The following HEPH variants were observed in gnomAD, a reference collection of about 807,000 sequenced individuals.
HEPH encodes hephaestin.
HEPH carries 69 observed loss-of-function variants against 80.8 expected under a neutral mutation model. The ratio of observed to expected loss-of-function variants is 0.85; its 90% CI spans 0.70 to 1.04. The LOEUF is 1.04. HEPH is among the 50% of genes least tolerant of loss of function. The pLI, the probability that HEPH is intolerant of heterozygous loss-of-function variation, is 0.00. For synonymous variants in HEPH, 431 were observed against 322.8 expected (o/e 1.34, Z -3.60); for missense variants, 1,115 against 891.3 (o/e 1.25, Z -3.20).
At chrX:66,167,504 C>G (rs2086424230) in intron 1 of HEPH, among the ~76,000 whole-genome samples, 1 of 112,312 alleles carries the variant, frequency 8.9e-6, no homozygotes, top group Non-Finnish European at 1.9e-5. Context: ...CAAGGCACAA[C>G]TGCTTTGTTG....
chrX:66,237,563 A>C, intron 15 of HEPH, among the ~76,000 whole-genome samples: 1 of 111,356 alleles, frequency 9.0e-6, no homozygotes, highest in Non-Finnish European at 1.9e-5. Flanking sequence ...GTTGATTTTG[A>C]TGTACATGTG....
chrX:66,242,005 G>GAA (rs368018000), intron 15 of HEPH, among the ~76,000 whole-genome samples: 1 of 103,121 alleles, frequency 9.7e-6, no homozygotes, highest in Non-Finnish European at 2.0e-5. Context: ...CACAGAATTA[G>GAA]AAAAAAAACT....
At chrX:66,238,055 C>T (rs1183376965) in intron 15 of HEPH, among the ~76,000 whole-genome samples, 2 of 111,662 alleles carry the variant, frequency 1.8e-5, no homozygotes, top group Non-Finnish European at 3.8e-5. Context: ...CCAACAGGGT[C>T]TTGGTTCCTT....
At chrX:66,162,902 C>G (rs754567165), upstream of HEPH, 1 of 1,138,529 alleles carries the variant, frequency 8.8e-7, no homozygotes, top group Admixed American at 2.7e-5. Context: ...GGTGGAACCC[C>G]CATCATACCT....
intron 15 of HEPH, among the ~76,000 whole-genome samples, chrX:66,247,700 G>T (rs1004061234): frequency 9.0e-6 from 1 of 111,406 alleles, no homozygotes; most frequent in Non-Finnish European, 1.9e-5. Flanking sequence ...GGAGTTGTGG[G>T]AATGAAAATA....
At chrX:66,243,466 T>C (rs2090686383) in intron 15 of HEPH, among the ~76,000 whole-genome samples, 1 of 112,835 alleles carries the variant, frequency 8.9e-6, no homozygotes, top group South Asian at 3.7e-4. Context: ...AAGTCTGTTT[T>C]GTCTGAAATT....
chrX:66,170,142 A>T (rs1172467459), intron 1 of HEPH: 1 of 116,787 alleles, frequency 8.6e-6, no homozygotes, highest in Non-Finnish European at 1.8e-5. Flanking sequence ...TTTATAGAGG[A>T]TAGGAAGTGG....
At chrX:66,169,053 T>A (rs987970723) in intron 1 of HEPH, among the ~76,000 whole-genome samples, 8 of 111,284 alleles carry the variant, frequency 7.2e-5, no homozygotes, top group African/African-American at 2.6e-4. Flanking sequence ...GCATGGTGAT[T>A]ATGCTGGAGC....
At chrX:66,241,099 C>G (rs746381621) in intron 15 of HEPH, among the ~76,000 whole-genome samples, 8 of 111,957 alleles carry the variant, frequency 7.1e-5, no homozygotes, top group African/African-American at 1.3e-4. Flanking sequence ...CACAAGAGGT[C>G]CTTAAGGAAG....
chrX:66,232,254 C>T (rs1159739857), intron 15 of HEPH, among the ~76,000 whole-genome samples: 2 of 110,888 alleles, frequency 1.8e-5, no homozygotes, highest in Non-Finnish European at 3.8e-5. Flanking sequence ...TTGGTTGTGT[C>T]TCTGCCCGGC....
chrX:66,191,485 G>A (rs771844066), intron 6 of HEPH, among the ~76,000 whole-genome samples: 1 of 111,882 alleles, frequency 8.9e-6, no homozygotes, highest in South Asian at 3.7e-4. Flanking sequence ...AAATAATATA[G>A]CTGAGTGACC....
rs192188235 is a variant in HEPH at position 66,239,655 on chromosome X, C to T, written c.2564-15380C>T. ...ATGTGAAACCAAGCAGGATCTAGAC[C>T]CTGACCTCATAGAGCATGGCCTGGC... is the stretch of plus-strand genomic sequence containing the variant. On this transcript the variant is annotated intron_variant, in intron 15 of 20. Transcript: ENST00000343002. Among the ~76,000 whole-genome samples the T allele has an allele frequency of 2.1e-3, 229 of 111,461 alleles. 2 individuals carry two copies. Among genetic ancestry groups the T allele is most frequent in the African/African-American group, 6.9e-3 (213 of 30,730 alleles).
chrX:66,178,471 G>T (rs1402778145), intron 4 of HEPH, among the ~76,000 whole-genome samples: 1 of 112,343 alleles, frequency 8.9e-6, no homozygotes, highest in Non-Finnish European at 1.9e-5. Context: ...GTAATGGGAT[G>T]GCTGGGTCAA....
intron 14 of HEPH, 75 bp downstream of exon 14, chrX:66,207,409 G>C (rs2088853146): frequency 1.3e-6 from 1 of 764,810 alleles, no homozygotes. Context: ...ATACCAGGAT[G>C]GCCTCACTAT....
chrX:66,241,816 G>T (rs1481937417), intron 15 of HEPH, among the ~76,000 whole-genome samples: 1 of 110,881 alleles, frequency 9.0e-6, no homozygotes, highest in African/African-American at 3.3e-5. Flanking sequence ...TCAGGGAGGT[G>T]GAGGATGTCT....
At chrX:66,224,871 C>G (rs1190766014) in intron 15 of HEPH, among the ~76,000 whole-genome samples, 1 of 109,737 alleles carries the variant, frequency 9.1e-6, no homozygotes, top group African/African-American at 3.3e-5. Context: ...GATTTTCTGT[C>G]TCTTTTTCTC....
At chrX:66,171,392 T>G (rs1484737938) in intron 2 of HEPH, 3 of 146,204 alleles carry the variant, frequency 2.1e-5, no homozygotes, top group African/African-American at 9.6e-5. Context: ...AATGAGAATG[T>G]AAACTAATAC....
intron 15 of HEPH, among the ~76,000 whole-genome samples, chrX:66,245,272 G>C (rs979876191): frequency 9.0e-6 from 1 of 111,077 alleles, no homozygotes; most frequent in Non-Finnish European, 1.9e-5. Flanking sequence ...TCAAAATAAA[G>C]GGATGGAGGA....
At chrX:66,208,086 A>G (rs2088892207) in intron 14 of HEPH, 29 bp from the exon 15 acceptor site, 2 of 1,093,946 alleles carry the variant, frequency 1.8e-6, no homozygotes, top group African/African-American at 1.9e-5. Flanking sequence ...ATGAAACTTT[A>G]TTTATTTAAT....
Sources: gnomAD v4.1 joint callset for allele counts (sites outside exome capture counted in the v4.1 genomes callset) on GRCh38, gnomAD v4.1.1 for gene constraint, MANE v1.5 for transcripts, NCBI Gene and HGNC (gene_info 2026-07-23, HGNC 2026-07-21) for gene names.